Variants in HERC5 observed in about 807,000 individuals in gnomAD.
HERC5 encodes the protein HECT and RLD domain containing E3 ubiquitin protein ligase 5, also known as E3 ISG15--protein ligase HERC5.
HERC5 carries 99 observed loss-of-function variants against 119.6 expected under a neutral mutation model. The ratio of observed to expected loss-of-function variants is 0.83; its 90% CI spans 0.70 to 0.98. The LOEUF is 0.98. HERC5 is among the 50% of genes least tolerant of loss of function. The probability of loss-of-function intolerance (pLI) is 0.00; values close to 1 mark genes in which losing one functional copy is unlikely to be tolerated. For missense variants in HERC5, 1,267 were observed against 1,241.3 expected (o/e 1.02, Z -0.31); for synonymous variants, 478 against 445.9 (o/e 1.07, Z -0.91).
intron 3 of HERC5, among the ~76,000 whole-genome samples, chr4:88,460,533 G>A (rs746567146): frequency 6.4e-4 from 98 of 152,102 alleles, no homozygotes; most frequent in Admixed American, 5.3e-3. Context: ...CCACTCTTCC[G>A]GCTCAGAATC....
intron 6 of HERC5, among the ~76,000 whole-genome samples, chr4:88,465,013 A>G (rs1242675317): frequency 2.0e-5 from 3 of 151,894 alleles, no homozygotes; most frequent in African/African-American, 7.3e-5. Flanking sequence ...CTTGTGATCC[A>G]CCTGCCTCGG....
chr4:88,457,652 C>T, intron 1 of HERC5, 118 bp downstream of exon 1: 1 of 1,081,464 alleles, frequency 9.2e-7, no homozygotes, highest in Non-Finnish European at 1.2e-6. Flanking sequence ...AGGCCGCAGA[C>T]GCGCGCCTGG....
chr4:88,470,171 A>G (rs564352851), intron 9 of HERC5, among the ~76,000 whole-genome samples: 1 of 152,252 alleles, frequency 6.6e-6, no homozygotes, highest in Non-Finnish European at 1.5e-5. Flanking sequence ...TAATTTGCAG[A>G]GCATAAATAA....
chr4:88,469,112 T>A (rs1740776259), intron 8 of HERC5, 45 bp from the exon 9 acceptor site: 1 of 1,367,740 alleles, frequency 7.3e-7, no homozygotes, highest in Non-Finnish European at 1.0e-6. Context: ...TGCCTATCTC[T>A]GATGTGTCTA....
intron 13 of HERC5, among the ~76,000 whole-genome samples, chr4:88,482,033 G>T (rs1254461392): frequency 6.6e-6 from 1 of 152,220 alleles, no homozygotes; most frequent in Non-Finnish European, 1.5e-5. Flanking sequence ...GGCTTGCTGG[G>T]TGTGGTGGCT....
rs759319386 is a variant in HERC5, at chr4:88,467,061, G to T, written c.914G>T (p.Trp305Leu). Residue 305 changes from tryptophan (W) to leucine (L), a missense_variant and splice_region_variant, in exon 7 of 23, where the codon TGG becomes TTG. Around this residue, in one of 3 missense-constraint regions of HERC5, gnomAD observed 777 missense variants for 758.0 expected, o/e 1.03. Transcript: ENST00000264350. Reference sequence around the variant, plus strand: ...CCATATGTGCTTTTATTTAATAGGTGGCACACACTTGCCTATGTTTCTGAT... The same window carrying T: ...CCATATGTGCTTTTATTTAATAGGTTGCACACACTTGCCTATGTTTCTGAT... Reference protein sequence around the residue: ...YRVTQIACGRWHTLAYVSDLG... With the variant: ...YRVTQIACGRLHTLAYVSDLG... 27 of 1,613,788 alleles carry T rather than the reference G, an allele frequency of 1.7e-5. No individual in the cohort carries two copies. The Admixed American group carries it at 4.5e-4, about 27-fold the overall frequency.
chr4:88,493,208 TATACC>T, intron 17 of HERC5, 53 bp downstream of exon 17: 1 of 1,529,242 alleles, frequency 6.5e-7, no homozygotes, highest in Non-Finnish European at 8.9e-7. Flanking sequence ...AAGTACACCA[TATACC>T]ATAGAAAATT....
rs1209753791 is a variant in HERC5 at position 88,467,214 on chromosome 4, A to T, written c.1057+10A>T. 1 of 1,613,670 alleles carries T rather than the reference A, an allele frequency of 6.2e-7. No homozygotes were observed. Among genetic ancestry groups the T allele is most frequent in the Admixed American group, 1.7e-5 (1 of 59,988 alleles). On this transcript the variant is annotated intron_variant, in intron 7 of 22. Coordinates refer to ENST00000264350, the MANE Select transcript of HERC5 (RefSeq NM_016323.4). ...GAAGAACTCAAACTTGGTAAATTCT[A>T]TAGGAACATAGGGTTTGGCATAGTA...
chr4:88,488,479 G>T (rs926297440), intron 15 of HERC5, among the ~76,000 whole-genome samples: 1 of 151,994 alleles, frequency 6.6e-6, no homozygotes, highest in African/African-American at 2.4e-5. Flanking sequence ...TGATCCGCCC[G>T]CCTCAGCCTC....
At chr4:88,479,647 T>C (rs1000176425) in intron 13 of HERC5, 140 bp downstream of exon 13, 2 of 505,846 alleles carry the variant, frequency 4.0e-6, no homozygotes, top group African/African-American at 4.0e-5. Flanking sequence ...TTTTTAAAAT[T>C]ACATCATACA....
At chr4:88,475,117 C>CTTTTTTTTTTTTTTTTTGTTTTTTTT (rs764084976) in intron 11 of HERC5, among the ~76,000 whole-genome samples, 3 of 109,952 alleles carry the variant, frequency 2.7e-5, no homozygotes, top group African/African-American at 6.6e-5. Context: ...CGGATTTTGT[C>CTTTTTTTTTTTTTTTTTGTTTTTTTT]TTTTTTTTTT....
intron 20 of HERC5, among the ~76,000 whole-genome samples, chr4:88,501,871 TC>T (rs1741956584): frequency 6.6e-6 from 1 of 152,172 alleles, no homozygotes; most frequent in Non-Finnish European, 1.5e-5. Context: ...CAATCTTGGC[TC>T]ACTGCAACCT....
intron 10 of HERC5, among the ~76,000 whole-genome samples, chr4:88,472,118 C>A (rs1740894849): frequency 6.6e-6 from 1 of 152,084 alleles, no homozygotes; most frequent in South Asian, 2.1e-4. Flanking sequence ...GTCTCAGCCT[C>A]CCTCTGTGGC....
Position 88,462,125 on chromosome 4 carries a change from T to C in HERC5, c.467-10T>C. On this transcript the variant is annotated splice_polypyrimidine_tract_variant and intron_variant, in intron 3 of 22. Transcript: ENST00000264350. ...TGGAATAAAACAGCATTTGCTTTGTTTATGTCAAGGTGGTGAGCTTTTTGC... is the reference window on the plus strand; with the variant it reads ...TGGAATAAAACAGCATTTGCTTTGTCTATGTCAAGGTGGTGAGCTTTTTGC... The C allele has an allele frequency of 6.2e-7, 1 of 1,611,770 alleles. No homozygotes were observed. The highest frequency in any genetic ancestry group is 1.1e-5 in the South Asian group (1 of 90,618).
intron 4 of HERC5, among the ~76,000 whole-genome samples, chr4:88,462,807 T>G (rs1413472993): frequency 6.6e-6 from 1 of 152,216 alleles, no homozygotes; most frequent in Non-Finnish European, 1.5e-5. Flanking sequence ...CCTGATCTTA[T>G]TCTATAAGGT....
At chr4:88,482,803 G>C (rs964413894) in intron 13 of HERC5, among the ~76,000 whole-genome samples, 1 of 151,968 alleles carries the variant, frequency 6.6e-6, no homozygotes, top group African/African-American at 2.4e-5. Context: ...GCTAATTTTT[G>C]TATTTTTTGT....
chr4:88,502,502 GA>G (rs892472643), intron 20 of HERC5, among the ~76,000 whole-genome samples: 1 of 152,124 alleles, frequency 6.6e-6, no homozygotes, highest in Non-Finnish European at 1.5e-5. Context: ...CATGCGTGGG[GA>G]AATTTAAGCC....
In HERC5 at chr4:88,471,008, G is replaced by A. The variant is rs146331546; in HGVS notation, c.1298+335G>A. Among the ~76,000 whole-genome samples, 373 of 150,386 alleles carry A rather than the reference G, an allele frequency of 2.5e-3. 1 individual carries two copies. The highest frequency in any genetic ancestry group is 8.3e-3 in the African/African-American group (339 of 40,864). On this transcript the variant is annotated intron_variant, in intron 10 of 22. Coordinates refer to ENST00000264350, the MANE Select transcript of HERC5 (RefSeq NM_016323.4). ...TTTTGAGACAGGGTCTTGCCCTGTC[G>A]TTGCCCATGCTTTAATGCAGTTCTG... is the stretch of plus-strand genomic sequence containing the variant.
intron 12 of HERC5, among the ~76,000 whole-genome samples, chr4:88,479,152 G>C (rs1049478489): frequency 6.6e-6 from 1 of 151,892 alleles, no homozygotes; most frequent in African/African-American, 2.4e-5. Context: ...GGGCATGGTG[G>C]TAGGCGCCTG....
Sources: gnomAD v4.1 joint callset for allele counts (sites outside exome capture counted in the v4.1 genomes callset) on GRCh38, gnomAD v4.1.1 for gene constraint, gnomAD v4.1.1 regional missense constraint, MANE v1.5 for transcripts, NCBI Gene and HGNC (gene_info 2026-07-23, HGNC 2026-07-21) for gene names.